ROBO2: variants seen among roughly 807,000 people sequenced by gnomAD.
ROBO2 encodes the protein roundabout homolog 2.
A neutral mutation model predicts 160.8 loss-of-function variants in ROBO2; 53 were observed. That is an observed-to-expected ratio of 0.33 (90% confidence interval 0.26 to 0.41). The LOEUF (loss-of-function observed/expected upper bound fraction) is 0.41, where lower values mean the gene tolerates loss of function less well. Ranked by LOEUF, ROBO2 falls within the 10% of genes least tolerant of loss-of-function variation. The pLI, the probability that ROBO2 is intolerant of heterozygous loss-of-function variation, is 1.00. For synonymous variants in ROBO2, 664 were observed against 611.7 expected (o/e 1.09, Z -1.26); for missense variants, 1,577 against 1,722.4 (o/e 0.92, Z 1.49).
At chr3:76,664,062 C>G (rs1308069108) in intron 2 of ROBO2, among the ~76,000 whole-genome samples, 1 of 152,070 alleles carries the variant, frequency 6.6e-6, no homozygotes, top group Non-Finnish European at 1.5e-5. Flanking sequence ...GCAAAAGGGA[C>G]CAGATTTTAG....
At chr3:77,477,292 T>C (rs1204868390) in intron 2 of ROBO2, 122 bp from the exon 3 acceptor site, 1 of 938,928 alleles carries the variant, frequency 1.1e-6, no homozygotes, top group African/African-American at 1.6e-5. Flanking sequence ...AGCTATGTTC[T>C]CAGTAAAAAT....
chr3:77,016,357 G>GATCCATACATAAATAAATGT (rs2062253678), intron 2 of ROBO2, among the ~76,000 whole-genome samples: 1 of 152,078 alleles, frequency 6.6e-6, no homozygotes, highest in Non-Finnish European at 1.5e-5. Flanking sequence ...CTGTAAATCA[G>GATCCATACATAAATAAATGT]ATCCATACAT....
chr3:75,934,512 AT>A (rs1370189473), intron 1 of ROBO2, among the ~76,000 whole-genome samples: 1 of 152,162 alleles, frequency 6.6e-6, no homozygotes, highest in Non-Finnish European at 1.5e-5. Flanking sequence ...TTTTAAATGA[AT>A]TGAGTTTACT....
intron 2 of ROBO2, among the ~76,000 whole-genome samples, chr3:76,892,198 C>T (rs990842886): frequency 2.0e-5 from 3 of 150,942 alleles, no homozygotes; most frequent in Non-Finnish European, 2.9e-5. Flanking sequence ...TCAGTGGTTC[C>T]GTCTCCCCGT....
chr3:77,071,525 G>A (rs551503989), intron 1 of ROBO2, among the ~76,000 whole-genome samples: 36 of 152,266 alleles, frequency 2.4e-4, no homozygotes, highest in South Asian at 8.3e-4. Flanking sequence ...AGTGGATTTT[G>A]CCATCCATTG....
intron 2 of ROBO2, among the ~76,000 whole-genome samples, chr3:77,321,073 C>A (rs1395917774): frequency 6.6e-6 from 1 of 152,106 alleles, no homozygotes; most frequent in Non-Finnish European, 1.5e-5. Flanking sequence ...AGATTTTTTT[C>A]ATAATTTATT....
chr3:77,583,396 C>A (rs1313677999), intron 16 of ROBO2, among the ~76,000 whole-genome samples: 1 of 151,786 alleles, frequency 6.6e-6, no homozygotes, highest in South Asian at 2.1e-4. Context: ...TAGTCTTCTA[C>A]TTGTTTGCAA....
intron 2 of ROBO2, among the ~76,000 whole-genome samples, chr3:77,371,532 T>G (rs1373417188): frequency 6.6e-6 from 1 of 152,212 alleles, no homozygotes; most frequent in East Asian, 1.9e-4. Flanking sequence ...TTAGAAACGT[T>G]AAATAAGAGG....
Position 77,343,619 on chromosome 3 carries a change from C to G in ROBO2, c.389-133795C>G, listed in dbSNP as rs577130154. On this transcript the variant is annotated intron_variant, in intron 2 of 25. Transcript: ENST00000461745. Reference sequence around the variant, plus strand: ...CATTGTACCCTTTAGGAACTCCTAGCTGGCAAGAAAGACAGTCTCAGAGCA... The same window carrying G: ...CATTGTACCCTTTAGGAACTCCTAGGTGGCAAGAAAGACAGTCTCAGAGCA... Among the ~76,000 whole-genome samples, 4 of 152,122 alleles carry G rather than the reference C, an allele frequency of 2.6e-5. No individual in the cohort carries two copies. The South Asian group carries it at 6.2e-4, about 24-fold the overall frequency.
intron 2 of ROBO2, 69 bp downstream of exon 2, chr3:77,098,409 C>T: frequency 6.9e-7 from 1 of 1,458,564 alleles, no homozygotes; most frequent in Non-Finnish European, 9.6e-7. Flanking sequence ...TTGATGTGTT[C>T]CCATAGACGC....
rs1028590383 is a variant in ROBO2, at chr3:77,322,612, G to T, written c.389-154802G>T. 9.2e-5 allele frequency among the ~76,000 whole-genome samples: 14 copies of T among 151,454 alleles called. No homozygotes were observed. The East Asian group carries it at 2.5e-3, about 27-fold the overall frequency. The stretch of plus-strand genomic sequence containing the variant: ...GAAATGGGATGTCAGGAGAGAAATT[G>T]ACATTTGTTTAGATAATATCCACAC... On this transcript the variant is annotated intron_variant, in intron 2 of 25. Coordinates refer to ENST00000461745, the Ensembl canonical transcript of ROBO2.
At chr3:76,156,694 G>A (rs2324501) in intron 2 of ROBO2, among the ~76,000 whole-genome samples, 3,333 of 152,324 alleles carry the variant, frequency 0.022, 215 homozygotes, top group East Asian at 0.21. Flanking sequence ...GTTGCTGGGC[G>A]CAGTGGCTCG....
chr3:77,585,283 A>T (rs2094017309), intron 16 of ROBO2, among the ~76,000 whole-genome samples: 1 of 150,946 alleles, frequency 6.6e-6, no homozygotes, highest in African/African-American at 2.4e-5. Context: ...GAAGTAAAAA[A>T]TTACAAGCAT....
At chr3:77,219,489 G>GTATATATATATATA (rs10654899) in intron 2 of ROBO2, among the ~76,000 whole-genome samples, 42 of 111,474 alleles carry the variant, frequency 3.8e-4, no homozygotes, top group Non-Finnish European at 5.2e-4. Flanking sequence ...TATATAATCT[G>GTATATATATATATA]TATATATATA....
At chr3:76,931,451 C>T (rs1227694103) in intron 2 of ROBO2, among the ~76,000 whole-genome samples, 1 of 152,056 alleles carries the variant, frequency 6.6e-6, no homozygotes, top group Non-Finnish European at 1.5e-5. Flanking sequence ...CAAGAAAACA[C>T]ATAAGACTTT....
At chr3:76,962,169 T>C (rs140567684) in intron 2 of ROBO2, among the ~76,000 whole-genome samples, 61 of 152,212 alleles carry the variant, frequency 4.0e-4, no homozygotes, top group African/African-American at 1.5e-3. Context: ...ACCCTGTCTC[T>C]ACTAGAAATA....
intron 2 of ROBO2, among the ~76,000 whole-genome samples, chr3:75,939,822 T>A (rs1947960932): frequency 6.6e-6 from 1 of 152,166 alleles, no homozygotes; most frequent in African/African-American, 2.4e-5. Flanking sequence ...TTAAAGTTTT[T>A]ATTACTAAAT....
intron 2 of ROBO2, among the ~76,000 whole-genome samples, chr3:76,788,028 A>C (rs771295811): frequency 6.6e-6 from 1 of 151,366 alleles, no homozygotes; most frequent in Admixed American, 6.6e-5. Context: ...TAGAAAACAG[A>C]ATTAAACAAA....
intron 2 of ROBO2, among the ~76,000 whole-genome samples, chr3:76,958,740 T>C (rs939435362): frequency 1.3e-5 from 2 of 152,186 alleles, no homozygotes; most frequent in African/African-American, 2.4e-5. Flanking sequence ...GTCCACATGG[T>C]CACTTGATGA....
Sources: gnomAD v4.1 joint callset for allele counts (sites outside exome capture counted in the v4.1 genomes callset) on GRCh38, gnomAD v4.1.1 for gene constraint, MANE v1.5 for transcripts, NCBI Gene and HGNC (gene_info 2026-07-23, HGNC 2026-07-21) for gene names.